GMDS: variants seen among roughly 807,000 people sequenced by gnomAD.
GMDS encodes the protein GDP-mannose 4,6-dehydratase.
GMDS carries 20 observed loss-of-function variants against 49.9 expected under a neutral mutation model. That is an observed-to-expected ratio of 0.40 (90% confidence interval 0.28 to 0.58). The LOEUF (loss-of-function observed/expected upper bound fraction) is 0.58. Among genes scored for constraint, GMDS ranks in the 20% least tolerant of loss-of-function variants. GMDS has a pLI of 0.42. For synonymous variants in GMDS, 177 were observed against 178.6 expected, an observed-to-expected ratio of 0.99 and a Z score of 0.07; for missense variants, 362 against 481.4, an observed-to-expected ratio of 0.75 and a Z score of 2.32.
chr6:1,718,971 C>T (rs1766270776), intron 9 of GMDS, among the ~76,000 whole-genome samples: 1 of 151,958 alleles, frequency 6.6e-6, no homozygotes, highest in Non-Finnish European at 1.5e-5. Context: ...TATTGTTACA[C>T]CAGGTTTTCA....
chr6:1,799,739 C>T (rs1769873237), intron 7 of GMDS, among the ~76,000 whole-genome samples: 1 of 152,128 alleles, frequency 6.6e-6, no homozygotes, highest in East Asian at 1.9e-4. Flanking sequence ...CCATTTAATG[C>T]TGTATGTTGC....
At chr6:2,174,805 G>A (rs234925) in intron 1 of GMDS, among the ~76,000 whole-genome samples, 6,178 of 152,146 alleles carry the variant, frequency 0.041, 252 homozygotes, top group South Asian at 0.13. Context: ...CTGACCTCAA[G>A]TGATCTGCCC....
chr6:1,948,913 G>A (rs1763211648), intron 6 of GMDS: 1 of 167,266 alleles, frequency 6.0e-6, no homozygotes, highest in African/African-American at 2.4e-5. Context: ...TGTTTTATCT[G>A]TCAACACCAC....
At chr6:2,072,521 G>A (rs947099116) in intron 4 of GMDS, among the ~76,000 whole-genome samples, 2 of 152,138 alleles carry the variant, frequency 1.3e-5, no homozygotes, top group Non-Finnish European at 2.9e-5. Context: ...ATAGGAGTAG[G>A]GAGTGGATTC....
intron 9 of GMDS, among the ~76,000 whole-genome samples, chr6:1,697,525 T>G (rs1242189528): frequency 2.6e-5 from 4 of 152,190 alleles, no homozygotes; most frequent in Non-Finnish European, 4.4e-5. Flanking sequence ...TAGAAAACAA[T>G]GCAAAAACCT....
At chr6:1,764,924 G>A (rs551416606) in intron 7 of GMDS, among the ~76,000 whole-genome samples, 3 of 152,212 alleles carry the variant, frequency 2.0e-5, no homozygotes, top group East Asian at 3.9e-4. Flanking sequence ...TATTATATAG[G>A]TAGATAGTTC....
intron 9 of GMDS, among the ~76,000 whole-genome samples, chr6:1,673,015 A>C (rs1764477483): frequency 6.6e-6 from 1 of 152,234 alleles, no homozygotes; most frequent in South Asian, 2.1e-4. Flanking sequence ...TGTATTTTCA[A>C]ACAGCATGAA....
chr6:1,719,004 T>C (rs1278569998), intron 9 of GMDS, among the ~76,000 whole-genome samples: 2 of 152,166 alleles, frequency 1.3e-5, no homozygotes, highest in Non-Finnish European at 2.9e-5. Flanking sequence ...ATACCTGATT[T>C]ACTCAGGAAA....
At chr6:1,936,910 T>C (rs7748869) in intron 6 of GMDS, among the ~76,000 whole-genome samples, 126 of 146,798 alleles carry the variant, frequency 8.6e-4, no homozygotes, top group African/African-American at 3.1e-3. Flanking sequence ...GAGGTTGCAG[T>C]GAGCTGAGAT....
At chr6:1,676,320 A>G (rs907505397) in intron 9 of GMDS, among the ~76,000 whole-genome samples, 2 of 152,238 alleles carry the variant, frequency 1.3e-5, no homozygotes, top group Non-Finnish European at 2.9e-5. Flanking sequence ...ATGCTCATGG[A>G]TAGGAAGAAT....
At chr6:1,989,089 A>G (rs889320376) in intron 4 of GMDS, among the ~76,000 whole-genome samples, 11 of 152,216 alleles carry the variant, frequency 7.2e-5, no homozygotes, top group African/African-American at 2.7e-4. Flanking sequence ...ACGTTGACAC[A>G]AGTTTATTCC....
At chr6:2,190,591 C>T (rs60593022) in intron 1 of GMDS, among the ~76,000 whole-genome samples, 16,679 of 152,196 alleles carry the variant, frequency 0.11, 3,023 homozygotes, top group African/African-American at 0.38. Flanking sequence ...GGAGAGAATA[C>T]TTTTTTCTGG....
intron 7 of GMDS, among the ~76,000 whole-genome samples, chr6:1,915,787 G>C (rs1049953492): frequency 6.6e-6 from 1 of 152,298 alleles, no homozygotes; most frequent in East Asian, 1.9e-4. Flanking sequence ...TATCTTACCA[G>C]ACTCCTGTGA....
At chr6:1,996,049 T>C (rs190147037) in intron 4 of GMDS, among the ~76,000 whole-genome samples, 1 of 152,124 alleles carries the variant, frequency 6.6e-6, no homozygotes, top group Admixed American at 6.5e-5. Flanking sequence ...GGCTTTGGGA[T>C]AGCCTCTTCT....
chr6:1,687,847 G>A (rs893237128), intron 9 of GMDS, among the ~76,000 whole-genome samples: 3 of 152,096 alleles, frequency 2.0e-5, no homozygotes, highest in Admixed American at 1.3e-4. Flanking sequence ...GGGGGTAAGA[G>A]GGCAGGAGCT....
chr6:1,916,317 C>G (rs555313097), intron 7 of GMDS, among the ~76,000 whole-genome samples: 5 of 152,076 alleles, frequency 3.3e-5, no homozygotes, highest in Admixed American at 1.3e-4. Flanking sequence ...TCACCAGGCT[C>G]TATCAACCCT....
intron 1 of GMDS, among the ~76,000 whole-genome samples, chr6:2,172,680 A>T (rs537065279): frequency 2.9e-4 from 44 of 152,126 alleles, no homozygotes; most frequent in African/African-American, 1.1e-3. Context: ...CGACACAGTG[A>T]GGCTCCATCT....
intron 7 of GMDS, among the ~76,000 whole-genome samples, chr6:1,764,721 G>C (rs879436667): frequency 1.3e-5 from 2 of 152,144 alleles, no homozygotes; most frequent in Non-Finnish European, 2.9e-5. Flanking sequence ...GCATTTTTCA[G>C]AGCATGAATT....
At chr6:1,807,050 AT>A (rs895534334) in intron 7 of GMDS, among the ~76,000 whole-genome samples, 130 of 150,418 alleles carry the variant, frequency 8.6e-4, no homozygotes, top group African/African-American at 2.9e-3. Context: ...CAGAATTATA[AT>A]TTTTTTTTTG....
Sources: gnomAD v4.1 joint callset for allele counts (sites outside exome capture counted in the v4.1 genomes callset) on GRCh38, gnomAD v4.1.1 for gene constraint, MANE v1.5 for transcripts, NCBI Gene and HGNC (gene_info 2026-07-23, HGNC 2026-07-21) for gene names.